The following LRRD1 variants were observed in gnomAD, a reference collection of about 807,000 sequenced individuals.
The protein encoded by LRRD1 is leucine-rich repeat and death domain-containing protein 1.
A neutral mutation model predicts 69.5 loss-of-function variants in LRRD1; 49 were observed. That is an observed-to-expected ratio of 0.70 (90% CI 0.56 to 0.89). LRRD1 has a LOEUF of 0.89. Among genes scored for constraint, LRRD1 ranks in the 40% least tolerant of loss-of-function variants. LRRD1 has a pLI of 0.00. For synonymous variants in LRRD1, 303 were observed against 338.9 expected, an observed-to-expected ratio of 0.89 and a Z score of 1.16; for missense variants, 853 against 956.0, an observed-to-expected ratio of 0.89 and a Z score of 1.42.
At chr7:92,144,707 C>A, downstream of LRRD1, 2 of 302,344 alleles carry the variant, frequency 6.6e-6, no homozygotes, top group Non-Finnish European at 1.2e-5. Flanking sequence ...ACACACAAAA[C>A]AGTGTCTGTA....
chr7:92,164,762 G>A lies in LRRD1; in HGVS notation c.441C>T (p.Asn147=). ...ATTCCTGTAAACCCTTGGCCTCAAG[G>A]TTAACTGTAAAGTTATCTGCCCCTA... ...LGLGADNFTV[N]LEAKGLQEFP... Residue 147 remains asparagine (N), a synonymous_variant, in exon 2 of 6, where the codon AAC becomes AAT. Transcript: ENST00000458448. 1.3e-6 allele frequency: 2 copies of A among 1,551,320 alleles called. No homozygotes were observed. Among genetic ancestry groups the A allele is most frequent in the East Asian group, 4.9e-5 (2 of 40,874 alleles).
chr7:92,163,614 C>A lies in LRRD1; in HGVS notation c.1589G>T (p.Cys530Phe). The A allele has an allele frequency of 2.0e-6, 3 of 1,519,418 alleles. No individual in the cohort carries two copies. Among genetic ancestry groups the A allele is most frequent in the East Asian group, 4.9e-5 (2 of 40,688 alleles). The allele number at this position is 1,519,418 out of a possible 1,614,324, so 94.1% of individuals were successfully genotyped here. ...NKLLIFSEHF[C>F]SLINLKYLDL... ...CAGGTATTTAAGATTAATAAGAGAACAAAAGTGCTCAGAAAATATGAGGAG... is the reference window on the plus strand; with the variant it reads ...CAGGTATTTAAGATTAATAAGAGAAAAAAAGTGCTCAGAAAATATGAGGAG... The change falls in exon 2 of 6, where the codon TGT (cysteine) becomes TTT (phenylalanine). Residue 530 changes from cysteine to phenylalanine, a missense_variant. By Grantham distance (205) the Cys-to-Phe change is radical (BLOSUM62 -2). This residue lies in a region of LRRD1 where 739 missense variants were observed against 808.0 expected (regional missense o/e 0.91). Transcript: ENST00000458448.
chr7:92,170,386 G>C (rs942605011), intron 1 of LRRD1, among the ~76,000 whole-genome samples: 18 of 152,194 alleles, frequency 1.2e-4, no homozygotes, highest in Admixed American at 1.3e-4. Flanking sequence ...GATACAGGAA[G>C]GTCAGAGAAT....
In LRRD1 at chr7:92,150,640, C is replaced by G. The variant is rs1216359114; in HGVS notation, c.2172G>C (p.Glu724Asp). The G allele has an allele frequency of 6.4e-7, 1 of 1,550,818 alleles. No homozygotes were observed. The highest frequency in any genetic ancestry group is 1.4e-5 in the African/African-American group (1 of 73,100). The change falls in exon 4 of 6, where the codon GAG becomes GAC. Residue 724 changes from glutamate (E) to aspartate (D), a missense_variant. Physicochemically the swap from Glu to Asp is conservative, Grantham distance 45 (BLOSUM62 2). This residue lies in a region of LRRD1 where 739 missense variants were observed against 808.0 expected (regional missense o/e 0.91). Transcript: ENST00000458448. ...SAIYNIFSLKEINFDDNPLLR... is the reference protein window; with the variant it reads ...SAIYNIFSLKDINFDDNPLLR... ...GCAAAGGGTTGTCATCAAAATTTATCTCCTTCAGTGAAAAAATATTGTAGA... is the reference window on the plus strand; with the variant it reads ...GCAAAGGGTTGTCATCAAAATTTATGTCCTTCAGTGAAAAAATATTGTAGA...
At chr7:92,172,121 T>G (rs1789070059) in intron 1 of LRRD1, among the ~76,000 whole-genome samples, 1 of 151,918 alleles carries the variant, frequency 6.6e-6, no homozygotes, top group South Asian at 2.1e-4. Flanking sequence ...ACCAACCCTG[T>G]ATCAAAAAAA....
At chr7:92,158,199 G>A (rs1386068526) in intron 3 of LRRD1, among the ~76,000 whole-genome samples, 2 of 151,980 alleles carry the variant, frequency 1.3e-5, no homozygotes, top group African/African-American at 4.8e-5. Context: ...GGCATTTAAA[G>A]ACACTGCTGG....
chr7:92,149,035 C>A (rs1820402163), intron 4 of LRRD1, among the ~76,000 whole-genome samples: 1 of 112,000 alleles, frequency 8.9e-6, no homozygotes, highest in Admixed American at 8.2e-5. Context: ...GTGTGAGCCA[C>A]CACACCTGGC....
chr7:92,146,236 G>C (rs1820320004), intron 4 of LRRD1, 36 bp from the exon 5 acceptor site: 1 of 1,010,636 alleles, frequency 9.9e-7, no homozygotes, highest in African/African-American at 1.6e-5. Flanking sequence ...TATATCTTTT[G>C]AAAAAGATAA....
chr7:92,165,014 A>C lies in LRRD1; in HGVS notation c.189T>G (p.Asn63Lys). ...CAGAGGAAGATGTTGACTCTAATGT[A>C]TTCTGTCTAGGATGTGTTTCATAAA... ...NQIYETHPRQ[N>K]TLESTSSSGR... The change falls in exon 2 of 6, where the codon AAT becomes AAG. Residue 63 changes from asparagine to lysine, a missense_variant. Coordinates refer to ENST00000458448, the MANE Select transcript of LRRD1 (RefSeq NM_001161528.2). 6.4e-7 allele frequency: 1 copy of C among 1,551,384 alleles called. No homozygotes were observed.
intron 4 of LRRD1, 29 bp from the exon 5 acceptor site, chr7:92,146,229 A>G (rs1372292069): frequency 9.2e-7 from 1 of 1,086,100 alleles, no homozygotes; most frequent in Non-Finnish European, 1.3e-6. Context: ...TAAAATGTAT[A>G]TCTTTTGAAA....
rs574500609 is a variant in LRRD1 at position 92,164,262 on chromosome 7, A to C, written c.941T>G (p.Leu314Arg). ...KLISLDLTGNLISSLPKEIRE... is the reference protein window; with the variant it reads ...KLISLDLTGNRISSLPKEIRE... ...AATTTCTTTTGGCAAACTGCTTATT[A>C]GGTTTCCAGTAAGGTCTAGTGAAAT... The change falls in exon 2 of 6, where the codon CTA becomes CGA. Residue 314 changes from leucine to arginine, a missense_variant. By Grantham distance (102) the Leu-to-Arg change is moderately radical. Coordinates refer to ENST00000458448, the MANE Select transcript of LRRD1 (RefSeq NM_001161528.2). 12 of 1,550,888 alleles carry C rather than the reference A, an allele frequency of 7.7e-6. No homozygotes were observed. The African/African-American group carries it at 1.2e-4, about 16-fold the overall frequency.
At chr7:92,161,925 A>G (rs1471926320) in intron 2 of LRRD1, among the ~76,000 whole-genome samples, 2 of 152,182 alleles carry the variant, frequency 1.3e-5, no homozygotes, top group Admixed American at 6.5e-5. Flanking sequence ...GATAATGTGC[A>G]TGTAAGTGAC....
chr7:92,146,442 C>T (rs1328265935), intron 4 of LRRD1, among the ~76,000 whole-genome samples: 1 of 143,542 alleles, frequency 7.0e-6, no homozygotes, highest in Non-Finnish European at 1.5e-5. Flanking sequence ...ACATGCAAAA[C>T]CCCATCTCTA....
chr7:92,176,805 C>G (rs928298486), intron 1 of LRRD1, among the ~76,000 whole-genome samples: 1 of 151,836 alleles, frequency 6.6e-6, no homozygotes, highest in Non-Finnish European at 1.5e-5. Flanking sequence ...TCAGGTGATC[C>G]ACTCGCCTCA....
chr7:92,170,148 G>A (rs1003463169), intron 1 of LRRD1, among the ~76,000 whole-genome samples: 1 of 150,146 alleles, frequency 6.7e-6, no homozygotes, highest in Non-Finnish European at 1.5e-5. Flanking sequence ...AAGGACGGAA[G>A]GAAGGAAGGA....
At chr7:92,154,766 T>G (rs1788617240) in intron 3 of LRRD1, among the ~76,000 whole-genome samples, 1 of 152,176 alleles carries the variant, frequency 6.6e-6, no homozygotes, top group Non-Finnish European at 1.5e-5. Flanking sequence ...CCAGCAATAT[T>G]TGTTGAAAAT....
At chr7:92,174,495 ATATATATATATATATTTTTTTTT>A (rs1563195723) in intron 1 of LRRD1, among the ~76,000 whole-genome samples, 3 of 17,210 alleles carry the variant, frequency 1.7e-4, no homozygotes, top group African/African-American at 7.5e-4. Context: ...ATATATATAT[ATATATATATATATATTTTTTTTT>A]TTTTTTTTTT....
intron 1 of LRRD1, among the ~76,000 whole-genome samples, chr7:92,165,996 T>C (rs1232501874): frequency 6.6e-6 from 1 of 152,072 alleles, no homozygotes; most frequent in Non-Finnish European, 1.5e-5. Flanking sequence ...ACAAATTCAG[T>C]ACATTATGAC....
At chr7:92,174,365 T>A (rs1288262184) in intron 1 of LRRD1, among the ~76,000 whole-genome samples, 1 of 150,130 alleles carries the variant, frequency 6.7e-6, no homozygotes, top group Non-Finnish European at 1.5e-5. Context: ...ATATTTATGT[T>A]TATGGCTATC....
Sources: gnomAD v4.1 joint callset for allele counts (sites outside exome capture counted in the v4.1 genomes callset) on GRCh38, gnomAD v4.1.1 for gene constraint, gnomAD v4.1.1 regional missense constraint, MANE v1.5 for transcripts, NCBI Gene and HGNC (gene_info 2026-07-23, HGNC 2026-07-21) for gene names.